Variants in RPL34 observed in about 807,000 individuals in gnomAD.
RPL34 encodes the protein ribosomal protein L34.
Under a neutral mutation model 16.3 loss-of-function variants are expected in RPL34, and 2 were observed. That is an observed-to-expected ratio of 0.12 (90% confidence interval 0.05 to 0.39). The LOEUF is 0.39. Ranked by LOEUF, RPL34 falls within the 10% of genes least tolerant of loss-of-function variation. The probability of loss-of-function intolerance (pLI) is 0.99; values close to 1 mark genes in which losing one functional copy is unlikely to be tolerated. For synonymous variants in RPL34, 47 were observed against 48.5 expected (o/e 0.97, Z 0.13); for missense variants, 82 against 148.8 (o/e 0.55, Z 2.33).
chr4:108,621,981 C>A lies in RPL34; in HGVS notation c.22C>A (p.Arg8=). 3.7e-6 allele frequency: 6 copies of A among 1,612,210 alleles called. No homozygotes were observed. The highest frequency in any genetic ancestry group is 5.1e-6 in the Non-Finnish European group (6 of 1,179,228). The stretch of plus-strand genomic sequence containing the variant: ...CAGAATGGTCCAGCGTTTGACATAC[C>A]GACGTAGGCTTTCCTACAATACAGC... MVQRLTY[R]RRLSYNTASN... The change falls in exon 2 of 5, where the codon CGA becomes AGA. Residue 8 remains arginine (R), a synonymous_variant. Coordinates refer to ENST00000394667, the MANE Select transcript of RPL34 (RefSeq NM_001319236.2).
At chr4:108,625,445 G>A (rs1725968413), downstream of RPL34, 4 of 391,440 alleles carry the variant, frequency 1.0e-5, no homozygotes, top group Admixed American at 8.0e-5. Context: ...GAGTACAATG[G>A]CAGGATCTCG....
downstream of RPL34, among the ~76,000 whole-genome samples, chr4:108,627,932 T>C (rs1726069508): frequency 3.3e-5 from 5 of 152,168 alleles, no homozygotes; most frequent in Admixed American, 3.3e-4. Context: ...AAATTTGTTT[T>C]AGTCCTCCCA....
chr4:108,625,058 C>A, intron 4 of RPL34, 70 bp from the exon 5 acceptor site: 1 of 1,052,310 alleles, frequency 9.5e-7, no homozygotes, highest in Non-Finnish European at 1.4e-6. Flanking sequence ...ACCATGTTTG[C>A]CTTCTCTGTG....
downstream of RPL34, among the ~76,000 whole-genome samples, chr4:108,628,713 T>G (rs569244330): frequency 3.3e-5 from 5 of 152,344 alleles, no homozygotes; most frequent in South Asian, 1.0e-3. Context: ...TACATTCTTT[T>G]CCAAGAATTC....
At position 108,625,194 on chromosome 4, in the gene RPL34, G is replaced by A. The variant is rs1065700; in HGVS notation, c.336G>A (p.Gln112=). 2 of 1,607,876 alleles carry A rather than the reference G, an allele frequency of 1.2e-6. No individual in the cohort carries two copies. Among genetic ancestry groups the A allele is most frequent in the Non-Finnish European group, 1.7e-6 (2 of 1,176,526 alleles). Residue 112 remains glutamine (Q), a synonymous_variant, in exon 5 of 5, where the codon CAG becomes CAA. Coordinates refer to ENST00000394667, the MANE Select transcript of RPL34 (RefSeq NM_001319236.2). ...TGAAAGTGTTGAAGGCACAAGCACA[G>A]AGTCAGAAAGCTAAATAAAAAAATG... ...IVVKVLKAQA[Q]SQKAK
downstream of RPL34, chr4:108,629,873 A>G (rs1168270908): frequency 6.6e-6 from 1 of 152,244 alleles, no homozygotes; most frequent in African/African-American, 2.4e-5. Context: ...GCTATGTCCA[A>G]CTTTCACTGT....
At chr4:108,629,917 C>T (rs934393021), downstream of RPL34, 1 of 152,208 alleles carries the variant, frequency 6.6e-6, no homozygotes, top group Non-Finnish European at 1.5e-5. Flanking sequence ...ACTAAAATCA[C>T]ATATAATCCT....
chr4:108,628,858 T>C (rs1353875982), downstream of RPL34, among the ~76,000 whole-genome samples: 3 of 152,232 alleles, frequency 2.0e-5, no homozygotes, highest in Non-Finnish European at 2.9e-5. Flanking sequence ...AGTCTCACTC[T>C]ATCACCCAGG....
downstream of RPL34, among the ~76,000 whole-genome samples, chr4:108,626,471 A>C (rs1356878525): frequency 4.4e-5 from 4 of 91,562 alleles, no homozygotes; most frequent in Non-Finnish European, 7.0e-5. Context: ...TTTTTTTTGA[A>C]ATGGAGCCTT....
chr4:108,627,014 C>T (rs191005756), downstream of RPL34, among the ~76,000 whole-genome samples: 13 of 152,024 alleles, frequency 8.6e-5, no homozygotes, highest in African/African-American at 2.9e-4. Context: ...CCAAGGCGGG[C>T]GGATCATGAG....
At chr4:108,629,226 T>C (rs1726106361), downstream of RPL34, among the ~76,000 whole-genome samples, 1 of 152,200 alleles carries the variant, frequency 6.6e-6, no homozygotes, top group African/African-American at 2.4e-5. Flanking sequence ...ATATAAACTT[T>C]TAACTCCTTT....
At chr4:108,623,794 G>C (rs548672930) in intron 4 of RPL34, among the ~76,000 whole-genome samples, 1 of 152,334 alleles carries the variant, frequency 6.6e-6, no homozygotes, top group South Asian at 2.1e-4. Context: ...AACAGTAGGA[G>C]ATACTACATT....
downstream of RPL34, among the ~76,000 whole-genome samples, chr4:108,627,664 C>T (rs2110368679): frequency 6.6e-6 from 1 of 152,152 alleles, no homozygotes; most frequent in East Asian, 1.9e-4. Flanking sequence ...GAGTTCGAGA[C>T]CAGCCTGACC....
At chr4:108,622,949 G>A (rs958890653) in intron 4 of RPL34, 3 of 199,066 alleles carry the variant, frequency 1.5e-5, no homozygotes, top group Non-Finnish European at 3.1e-5. Flanking sequence ...GTATTCTCAT[G>A]TGCGGAAGGT....
rs1725811366 is a variant in RPL34 at position 108,622,199 on chromosome 4, C to G, written c.160C>G (p.Arg54Gly). The G allele has an allele frequency of 6.2e-7, 1 of 1,605,476 alleles. No individual in the cohort carries two copies. The highest frequency in any genetic ancestry group is 1.1e-5 in the South Asian group (1 of 90,998). Residue 54 changes from arginine to glycine, a missense_variant, in exon 3 of 5, where the codon CGA becomes GGA. Transcript: ENST00000394667. Reference protein sequence around the residue: ...SACGVCPGRLRGVRAVRPKVL... With the variant: ...SACGVCPGRLGGVRAVRPKVL... Reference sequence around the variant, plus strand: ...ATGTGGTGTGTGCCCAGGCAGACTTCGAGGGGTAAGTGTACCTTTTACTGT... The same window carrying G: ...ATGTGGTGTGTGCCCAGGCAGACTTGGAGGGGTAAGTGTACCTTTTACTGT...
At chr4:108,621,527 A>G (rs1051148532) in intron 1 of RPL34, 16 of 211,872 alleles carry the variant, frequency 7.6e-5, no homozygotes, top group African/African-American at 3.2e-4. Context: ...CAGAATTCCC[A>G]TGTTAGAGAT....
Position 108,622,108 on chromosome 4 carries a change from C to A in RPL34, c.69C>A (p.Ser23=). The A allele has an allele frequency of 6.2e-7, 1 of 1,612,756 alleles. No individual in the cohort carries two copies. Among genetic ancestry groups the A allele is most frequent in the South Asian group, 1.1e-5 (1 of 91,044 alleles). ...TACTGACTGTTTCACTTTCTAGGTC[C>A]CGAACCCCTGGTAATAGAATTGTTT... ...YNTASNKTRL[S]RTPGNRIVYL... Residue 23 remains serine, a synonymous_variant, in exon 3 of 5, where the codon TCC becomes TCA. Transcript: ENST00000394667.
chr4:108,621,265 C>A (rs1198987300), intron 1 of RPL34: 1 of 152,352 alleles, frequency 6.6e-6, no homozygotes, highest in Non-Finnish European at 1.5e-5. Context: ...GGGTAGTTCC[C>A]TTAACGAAGT....
intron 3 of RPL34, 61 bp downstream of exon 3, chr4:108,622,265 C>A: frequency 3.3e-6 from 4 of 1,215,952 alleles, no homozygotes; most frequent in South Asian, 1.2e-5. Context: ...GCTTTCATCC[C>A]TTGACGATGG....
Sources: allele counts gnomAD v4.1 joint callset (sites outside exome capture counted in the v4.1 genomes callset), GRCh38; gene constraint gnomAD v4.1.1; transcripts MANE v1.5; gene names NCBI Gene and HGNC (gene_info 2026-07-23, HGNC 2026-07-21).